SH2D4B: variants seen among roughly 807,000 people sequenced by gnomAD.
The protein encoded by SH2D4B is SH2 domain containing 4B, also known as SH2 domain-containing protein 4B.
A neutral mutation model predicts 61.5 loss-of-function variants in SH2D4B; 45 were observed. The ratio of observed to expected loss-of-function variants is 0.73; its 90% CI spans 0.58 to 0.94. The LOEUF is 0.94. SH2D4B is among the 40% of genes least tolerant of loss of function. The probability of loss-of-function intolerance (pLI) is 0.00; values close to 1 mark genes in which losing one functional copy is unlikely to be tolerated. For synonymous variants in SH2D4B, 224 were observed against 220.4 expected (o/e 1.02, Z -0.14); for missense variants, 572 against 574.2 (o/e 1.00, Z 0.04).
chr10:80,555,323 C>T (rs1289002339), intron 1 of SH2D4B, among the ~76,000 whole-genome samples: 1 of 152,174 alleles, frequency 6.6e-6, no homozygotes, highest in Non-Finnish European at 1.5e-5. Context: ...TGTCTGCAGC[C>T]AGAGTTGTTT....
intron 1 of SH2D4B, among the ~76,000 whole-genome samples, chr10:80,568,138 A>G (rs1374495232): frequency 6.7e-6 from 1 of 150,228 alleles, no homozygotes; most frequent in Non-Finnish European, 1.5e-5. Flanking sequence ...CTCAGGCTGG[A>G]GTGCAGTGGC....
intron 1 of SH2D4B, among the ~76,000 whole-genome samples, chr10:80,560,321 G>A (rs1268947560): frequency 3.3e-5 from 5 of 151,390 alleles, no homozygotes; most frequent in Non-Finnish European, 7.4e-5. Flanking sequence ...TTAAAGTAAG[G>A]CTATTCATCA....
intron 1 of SH2D4B, among the ~76,000 whole-genome samples, chr10:80,569,547 C>T (rs1224181914): frequency 2.1e-5 from 2 of 97,346 alleles, no homozygotes; most frequent in African/African-American, 8.1e-5. Context: ...GGGGAAGAGG[C>T]GGGGGGGTTG....
At chr10:80,628,801 GTGGATCATGAGGTCAGGAGT>G (rs1018913956) in intron 6 of SH2D4B, among the ~76,000 whole-genome samples, 4 of 152,154 alleles carry the variant, frequency 2.6e-5, no homozygotes, top group Admixed American at 2.6e-4. Flanking sequence ...GCTGAGGCGG[GTGGATCATGAGGTCAGGAGT>G]TTGACCACCA....
rs34544525 is a variant in SH2D4B at position 80,592,878 on chromosome 10, G to GTT, written c.643+4111_643+4112dup. On this transcript the variant is annotated intron_variant, in intron 4 of 7. Transcript: ENST00000646907. The stretch of plus-strand genomic sequence containing the variant: ...CCACAGGCATGCACCACCATGCCTA[G>GTT]TTTTTTTTTTTCGTATTTTTATTAG... Among the ~76,000 whole-genome samples, 42 of 148,666 alleles carry GTT rather than the reference G, an allele frequency of 2.8e-4. 1 individual carries two copies. Among genetic ancestry groups the GTT allele is most frequent in the Middle Eastern group, 3.5e-3 (1 of 288 alleles).
chr10:80,610,643 C>G (rs578201009), intron 6 of SH2D4B, among the ~76,000 whole-genome samples: 2 of 152,304 alleles, frequency 1.3e-5, no homozygotes, highest in East Asian at 3.9e-4. Flanking sequence ...ACAGAAATAC[C>G]TCCAAGATGA....
intron 6 of SH2D4B, among the ~76,000 whole-genome samples, chr10:80,619,410 C>T (rs147927785): frequency 3.9e-4 from 60 of 152,322 alleles, no homozygotes; most frequent in East Asian, 1.3e-3. Context: ...GAGGCCCAAC[C>T]GGGAGTGCTA....
At chr10:80,632,286 C>CA (rs1467840888) in intron 6 of SH2D4B, among the ~76,000 whole-genome samples, 1 of 151,890 alleles carries the variant, frequency 6.6e-6, no homozygotes. Context: ...GTTCTTACCA[C>CA]AAAAAATATG....
rs923238396 is a variant in SH2D4B, at chr10:80,588,493, A to C, written c.496-137A>C. On this transcript the variant is annotated intron_variant, in intron 3 of 7. Coordinates refer to ENST00000646907, the MANE Select transcript of SH2D4B (RefSeq NM_001388272.1). ...GAGTACTGGGTAATTTCAATTTCAT[A>C]CATGTAGGGACTGAGGCTGGAGAGG... The C allele has an allele frequency of 3.7e-6, 4 of 1,090,170 alleles. No homozygotes were observed. In the African/African-American group the frequency reaches 6.3e-5, roughly 17 times the overall value. 67.5% of individuals were successfully genotyped at this position (1,090,170 alleles called of 1,614,324 possible).
chr10:80,632,867 T>G (rs1489882379), intron 6 of SH2D4B, among the ~76,000 whole-genome samples: 2 of 151,202 alleles, frequency 1.3e-5, no homozygotes, highest in South Asian at 2.1e-4. Flanking sequence ...AAAGGGCTCC[T>G]CACTTCCTTC....
intron 2 of SH2D4B, 47 bp from the exon 3 acceptor site, chr10:80,571,384 C>A: frequency 6.4e-7 from 1 of 1,573,918 alleles, no homozygotes; most frequent in South Asian, 1.2e-5. Context: ...GTTAGGTGGT[C>A]CTTCAGTTTT....
At chr10:80,606,496 G>T (rs558927909) in intron 5 of SH2D4B, among the ~76,000 whole-genome samples, 1 of 151,900 alleles carries the variant, frequency 6.6e-6, no homozygotes, top group African/African-American at 2.4e-5. Context: ...ACAGGCGCGC[G>T]CCAGTACACC....
intron 3 of SH2D4B, among the ~76,000 whole-genome samples, chr10:80,576,817 G>A (rs941276241): frequency 6.6e-6 from 1 of 152,190 alleles, no homozygotes; most frequent in Non-Finnish European, 1.5e-5. Flanking sequence ...GCCCAGGCTG[G>A]AGTGCAGGGA....
At chr10:80,569,582 T>C (rs1218718239) in intron 1 of SH2D4B, among the ~76,000 whole-genome samples, 1 of 151,794 alleles carries the variant, frequency 6.6e-6, no homozygotes, top group Admixed American at 6.6e-5. Context: ...GCAATGACTA[T>C]GGACATCTGG....
In SH2D4B at chr10:80,646,550, G is replaced by C. The variant is rs923653039; in HGVS notation, c.*2465G>C. On this transcript the variant is annotated 3_prime_UTR_variant, in exon 8 of 8. Transcript: ENST00000646907. Reference sequence around the variant, plus strand: ...GTTTTATTATGCTAATAAATGTCAGGATTCTCATATAAAGGAGTTGCCTTT... The same window carrying C: ...GTTTTATTATGCTAATAAATGTCAGCATTCTCATATAAAGGAGTTGCCTTT... 6.6e-6 allele frequency: 1 copy of C among 151,986 alleles called. No homozygotes were observed. The highest frequency in any genetic ancestry group is 2.4e-5 in the African/African-American group (1 of 41,382). The allele number at this position is 151,986 out of a possible 1,614,324, so 9.4% of individuals were successfully genotyped here.
At chr10:80,540,118 A>G (rs754097388) in intron 1 of SH2D4B, among the ~76,000 whole-genome samples, 4 of 152,246 alleles carry the variant, frequency 2.6e-5, no homozygotes, top group Non-Finnish European at 4.4e-5. Context: ...TGTATAAATT[A>G]TACATTAAAC....
At chr10:80,587,753 C>G (rs1842277457) in intron 3 of SH2D4B, among the ~76,000 whole-genome samples, 1 of 152,192 alleles carries the variant, frequency 6.6e-6, no homozygotes, top group Non-Finnish European at 1.5e-5. Context: ...CTGTCTCCCA[C>G]TTGCAGTAAT....
At chr10:80,633,596 G>A (rs957118252) in intron 6 of SH2D4B, among the ~76,000 whole-genome samples, 2 of 152,150 alleles carry the variant, frequency 1.3e-5, no homozygotes, top group African/African-American at 4.8e-5. Context: ...GATGACAGCG[G>A]CTTCCTGAGA....
intron 6 of SH2D4B, 45 bp from the exon 7 acceptor site, chr10:80,634,240 C>A: frequency 1.4e-6 from 2 of 1,476,330 alleles, no homozygotes; most frequent in South Asian, 1.4e-5. Context: ...GGGAGGCAGT[C>A]GCAGAACCTG....
Sources: allele counts gnomAD v4.1 joint callset (sites outside exome capture counted in the v4.1 genomes callset), GRCh38; gene constraint gnomAD v4.1.1; transcripts MANE v1.5; gene names NCBI Gene and HGNC (gene_info 2026-07-23, HGNC 2026-07-21).